PRORP: variants seen among roughly 807,000 people sequenced by gnomAD.
PRORP encodes protein only RNase P catalytic subunit.
PRORP carries 51 observed loss-of-function variants against 59.4 expected under a neutral mutation model. That is an observed-to-expected ratio of 0.86 (90% CI 0.69 to 1.08). PRORP has a LOEUF of 1.08. PRORP is among the 50% of genes least tolerant of loss of function. PRORP has a pLI of 0.00. For missense variants in PRORP, 646 were observed against 690.3 expected, an observed-to-expected ratio of 0.94 and a Z score of 0.72; for synonymous variants, 231 against 245.6, an observed-to-expected ratio of 0.94 and a Z score of 0.55.
intron 4 of PRORP, among the ~76,000 whole-genome samples, chr14:35,130,733 G>A (rs1036858282): frequency 2.0e-5 from 3 of 151,010 alleles, no homozygotes; most frequent in Non-Finnish European, 3.0e-5. Flanking sequence ...ATCCAGCTGC[G>A]TCGGCCTCCC....
intron 7 of PRORP, among the ~76,000 whole-genome samples, chr14:35,271,359 A>G (rs1317168396): frequency 6.6e-6 from 1 of 151,512 alleles, no homozygotes; most frequent in Non-Finnish European, 1.5e-5. Context: ...GGGTTTCACC[A>G]TGTTGGTCAG....
chr14:35,235,632 A>G, intron 5 of PRORP: 1 of 456,072 alleles, frequency 2.2e-6, no homozygotes, highest in Non-Finnish European at 4.2e-6. Context: ...GCCTGGACAA[A>G]CAGCCTCTGC....
At chr14:35,246,336 C>G (rs2050483369) in intron 5 of PRORP, among the ~76,000 whole-genome samples, 1 of 152,172 alleles carries the variant, frequency 6.6e-6, no homozygotes, top group African/African-American at 2.4e-5. Flanking sequence ...AATGAATCTT[C>G]AGACTTCTAT....
chr14:35,123,963 A>G lies in PRORP; in HGVS notation c.718A>G (p.Ile240Val), dbSNP rs767876471. ...GCTGTTAGAGGACATCAAAAAAGTT[A>G]TAACTCCTTCAAAAAAGAACTATAA... ...LLLLEDIKKV[I>V]TPSKKNYNDC... The change falls in exon 2 of 8, where the codon ATA becomes GTA. Residue 240 changes from isoleucine (I) to valine (V), a missense_variant. Coordinates refer to ENST00000534898, the MANE Select transcript of PRORP (RefSeq NM_014672.4). 4 of 1,614,198 alleles carry G rather than the reference A, an allele frequency of 2.5e-6. No homozygotes were observed. The highest frequency in any genetic ancestry group is 1.7e-5 in the Admixed American group (1 of 60,026).
At chr14:35,176,112 G>C (rs1431778832) in intron 4 of PRORP, among the ~76,000 whole-genome samples, 1 of 152,044 alleles carries the variant, frequency 6.6e-6, no homozygotes, top group Non-Finnish European at 1.5e-5. Context: ...CTCTGTTTTG[G>C]TACCAGTACC....
intron 5 of PRORP, among the ~76,000 whole-genome samples, chr14:35,186,178 G>A (rs1280488274): frequency 6.7e-6 from 1 of 149,354 alleles, no homozygotes; most frequent in African/African-American, 2.5e-5. Context: ...GTGGAGACGG[G>A]GTTTTGTCAT....
intron 4 of PRORP, among the ~76,000 whole-genome samples, chr14:35,160,287 C>T (rs2048025033): frequency 6.6e-6 from 1 of 152,178 alleles, no homozygotes; most frequent in South Asian, 2.1e-4. Context: ...GGTTTTCTTT[C>T]AGAGTAAAAT....
intron 4 of PRORP, among the ~76,000 whole-genome samples, chr14:35,157,580 G>A (rs557083351): frequency 2.6e-5 from 4 of 152,166 alleles, no homozygotes; most frequent in African/African-American, 9.6e-5. Context: ...AGTAGAGAGA[G>A]GGTTTCAGCA....
chr14:35,223,225 CTTTTT>C (rs11333388), intron 5 of PRORP, among the ~76,000 whole-genome samples: 1 of 145,444 alleles, frequency 6.9e-6, no homozygotes. Context: ...ATCAGGTGCT[CTTTTT>C]TTTTTTTTTA....
chr14:35,122,933 T>C lies in PRORP; in HGVS notation c.-294-19T>C, dbSNP rs901892512. On this transcript the variant is annotated intron_variant, in intron 1 of 7. Transcript: ENST00000534898. ...CACGTGAGTAAAACTGGGCGTTCCG[T>C]CTTGTGCTTTTTCCTCAGGTTCATG... is the stretch of plus-strand genomic sequence containing the variant. 3.5e-5 allele frequency: 10 copies of C among 284,774 alleles called. No homozygotes were observed. The highest frequency in any genetic ancestry group is 6.0e-5 in the Non-Finnish European group (9 of 149,198). The allele number at this position is 284,774 out of a possible 1,614,324, so 17.6% of individuals were successfully genotyped here.
intron 5 of PRORP, among the ~76,000 whole-genome samples, chr14:35,248,134 C>T (rs144800273): frequency 6.6e-6 from 1 of 152,140 alleles, no homozygotes; most frequent in East Asian, 1.9e-4. Context: ...CCCTAAAATA[C>T]CAAAGACTGA....
chr14:35,165,473 T>C (rs2048160691), intron 4 of PRORP, among the ~76,000 whole-genome samples: 1 of 152,240 alleles, frequency 6.6e-6, no homozygotes, highest in East Asian at 1.9e-4. Context: ...AGAAAGTATA[T>C]GTAAAGCACT....
chr14:35,210,576 G>A (rs1023471615), intron 5 of PRORP, among the ~76,000 whole-genome samples: 2 of 151,424 alleles, frequency 1.3e-5, no homozygotes, highest in Non-Finnish European at 2.9e-5. Flanking sequence ...TTTGCAGGAA[G>A]AGGCTCATGT....
At chr14:35,156,949 TTTTTC>T (rs2047929093) in intron 4 of PRORP, among the ~76,000 whole-genome samples, 1 of 126,280 alleles carries the variant, frequency 7.9e-6, no homozygotes, top group South Asian at 2.5e-4. Flanking sequence ...ATTTTTTTCT[TTTTTC>T]TTTTCTTTTT....
chr14:35,205,072 C>A (rs1450144424), intron 5 of PRORP, among the ~76,000 whole-genome samples: 1 of 152,136 alleles, frequency 6.6e-6, no homozygotes, highest in African/African-American at 2.4e-5. Flanking sequence ...GGATGCAAAC[C>A]CGGATTTTCT....
chr14:35,183,889 A>G (rs1249319489), intron 5 of PRORP, among the ~76,000 whole-genome samples: 2 of 152,144 alleles, frequency 1.3e-5, no homozygotes, highest in East Asian at 3.8e-4. Context: ...CAGAAAGGGA[A>G]TATTCTTCAC....
intron 4 of PRORP, among the ~76,000 whole-genome samples, chr14:35,169,272 A>T (rs1399704388): frequency 6.6e-6 from 1 of 152,030 alleles, no homozygotes; most frequent in African/African-American, 2.4e-5. Context: ...TGGGGCTTTT[A>T]TAGATATTTT....
At chr14:35,261,745 A>G (rs2050909901) in intron 5 of PRORP, among the ~76,000 whole-genome samples, 1 of 152,078 alleles carries the variant, frequency 6.6e-6, no homozygotes, top group Non-Finnish European at 1.5e-5. Context: ...AAAACAAACA[A>G]ACTATTCCAA....
At chr14:35,192,979 TA>T (rs2048920893) in intron 5 of PRORP, among the ~76,000 whole-genome samples, 2 of 98,104 alleles carry the variant, frequency 2.0e-5, no homozygotes, top group Admixed American at 9.5e-5. Context: ...GGTGACAGAG[TA>T]GAAAAAAAAA....
Sources: gnomAD v4.1 joint callset for allele counts (sites outside exome capture counted in the v4.1 genomes callset) on GRCh38, gnomAD v4.1.1 for gene constraint, MANE v1.5 for transcripts, NCBI Gene and HGNC (gene_info 2026-07-23, HGNC 2026-07-21) for gene names.